The following CLYBL variants were observed in gnomAD, a reference collection of about 807,000 sequenced individuals.
CLYBL encodes the protein citramalyl-CoA lyase, mitochondrial.
Under a neutral mutation model 38.9 loss-of-function variants are expected in CLYBL, and 31 were observed. The ratio of observed to expected loss-of-function variants is 0.80; its 90% confidence interval spans 0.60 to 1.08. CLYBL has a LOEUF of 1.08. Among genes scored for constraint, CLYBL ranks in the 50% least tolerant of loss-of-function variants. CLYBL has a pLI of 0.00. For synonymous variants in CLYBL, 171 were observed against 158.6 expected (o/e 1.08, Z -0.59); for missense variants, 434 against 411.6 (o/e 1.05, Z -0.47).
downstream of CLYBL, among the ~76,000 whole-genome samples, chr13:99,900,723 C>T (rs2052632655): frequency 6.6e-6 from 1 of 152,200 alleles, no homozygotes; most frequent in South Asian, 2.1e-4. Context: ...CGTGCTTCCA[C>T]ATCAGGTTCC....
At chr13:99,755,176 C>T (rs1362299973) in intron 1 of CLYBL, among the ~76,000 whole-genome samples, 2 of 152,184 alleles carry the variant, frequency 1.3e-5, no homozygotes, top group East Asian at 1.9e-4. Context: ...GGATTACAGG[C>T]GTGAGCCACC....
Position 99,715,796 on chromosome 13 carries a change from C to G in CLYBL, c.63-57028C>G, listed in dbSNP as rs1159276322. Among the ~76,000 whole-genome samples the G allele has an allele frequency of 2.0e-5, 3 of 152,252 alleles. No homozygotes were observed. In the East Asian group the frequency reaches 5.8e-4, roughly 29 times the overall value. On this transcript the variant is annotated intron_variant, in intron 1 of 8. Transcript: ENST00000339105. The stretch of plus-strand genomic sequence containing the variant: ...GATGCTTTTGGCTTGTCATGTTTCT[C>G]AGGTCCCGGGGCTGCAGGAAGTTAG...
chr13:99,904,479 A>T (rs984192628), intron 8 of CLYBL, among the ~76,000 whole-genome samples: 1 of 152,180 alleles, frequency 6.6e-6, no homozygotes, highest in African/African-American at 2.4e-5. Context: ...CACATGACCT[A>T]ATTTCTAATT....
At chr13:99,774,454 C>G (rs868391496) in intron 2 of CLYBL, among the ~76,000 whole-genome samples, 1 of 151,976 alleles carries the variant, frequency 6.6e-6, no homozygotes, top group African/African-American at 2.4e-5. Context: ...AACATGAGTT[C>G]GCTTGACCTT....
intron 1 of CLYBL, among the ~76,000 whole-genome samples, chr13:99,722,948 A>G (rs2048416398): frequency 1.3e-5 from 2 of 152,260 alleles, no homozygotes; most frequent in South Asian, 4.1e-4. Context: ...TTGATGAGAT[A>G]TAGCCGCAGG....
At chr13:99,747,745 G>C (rs1020236706) in intron 1 of CLYBL, among the ~76,000 whole-genome samples, 3 of 152,188 alleles carry the variant, frequency 2.0e-5, no homozygotes, top group Non-Finnish European at 4.4e-5. Flanking sequence ...AGTGCTAACA[G>C]ACAGTAGCTT....
In CLYBL at chr13:99,661,119, A is replaced by G. The variant is rs146107271; in HGVS notation, c.62+54362A>G. Among the ~76,000 whole-genome samples, 178 of 152,308 alleles carry G rather than the reference A, an allele frequency of 1.2e-3. 2 individuals carry two copies. In the East Asian group the frequency reaches 0.031, roughly 27 times the overall value. On this transcript the variant is annotated intron_variant, in intron 1 of 8. Coordinates refer to ENST00000339105, the MANE Select transcript of CLYBL (RefSeq NM_206808.5). ...ATTTACACCGAAAAATTCAAACAAA[A>G]TAATTTCTTCTTTAACAATATTGAT...
At chr13:99,800,320 G>A (rs1372884463) in intron 2 of CLYBL, among the ~76,000 whole-genome samples, 1 of 152,160 alleles carries the variant, frequency 6.6e-6, no homozygotes, top group African/African-American at 2.4e-5. Flanking sequence ...GAAATTTAAG[G>A]GAGAGTTCAT....
At chr13:99,864,355 T>G (rs1398558486) in intron 4 of CLYBL, among the ~76,000 whole-genome samples, 5 of 152,220 alleles carry the variant, frequency 3.3e-5, no homozygotes, top group African/African-American at 1.2e-4. Context: ...ATTTTTATTT[T>G]CCCCTCCGGA....
intron 2 of CLYBL, among the ~76,000 whole-genome samples, chr13:99,845,815 A>G (rs1446854080): frequency 6.6e-6 from 1 of 152,166 alleles, no homozygotes; most frequent in African/African-American, 2.4e-5. Context: ...CCTTTTTTAA[A>G]AAATTAAGTG....
intron 7 of CLYBL, among the ~76,000 whole-genome samples, chr13:99,873,092 TGGA>T (rs1384029800): frequency 6.6e-6 from 1 of 152,184 alleles, no homozygotes; most frequent in Non-Finnish European, 1.5e-5. Flanking sequence ...GCCCCATTTG[TGGA>T]GGTTTGTTTC....
At chr13:99,858,540 A>T (rs746714237) in intron 2 of CLYBL, among the ~76,000 whole-genome samples, 10 of 152,244 alleles carry the variant, frequency 6.6e-5, no homozygotes, top group Non-Finnish European at 1.2e-4. Context: ...ATCAGTGAAA[A>T]CTTACCCATT....
At chr13:99,872,709 A>G (rs2139261427) in intron 7 of CLYBL, among the ~76,000 whole-genome samples, 3 of 152,322 alleles carry the variant, frequency 2.0e-5, no homozygotes, top group Admixed American at 2.0e-4. Flanking sequence ...GGGTAGCATC[A>G]AAGGAGGGCA....
chr13:99,884,901 C>A (rs2052308129), intron 7 of CLYBL: 1 of 456,910 alleles, frequency 2.2e-6, no homozygotes, highest in African/African-American at 2.0e-5. Context: ...AACTACAGTC[C>A]CTTCCCTAAG....
At chr13:99,870,847 T>C in intron 6 of CLYBL, 91 bp from the exon 7 acceptor site, 8 of 1,331,024 alleles carry the variant, frequency 6.0e-6, no homozygotes, top group Non-Finnish European at 8.3e-6. Flanking sequence ...ATACAGTCTA[T>C]GAGGCCTTCA....
intron 3 of CLYBL, among the ~76,000 whole-genome samples, chr13:99,861,328 A>G (rs1458391146): frequency 7.9e-5 from 12 of 152,272 alleles, no homozygotes; most frequent in East Asian, 3.9e-4. Flanking sequence ...CTCACTAAGA[A>G]CAGGGAATAT....
chr13:99,686,610 TTAC>T (rs1746791845), intron 1 of CLYBL, among the ~76,000 whole-genome samples: 1 of 152,232 alleles, frequency 6.6e-6, no homozygotes, highest in South Asian at 2.1e-4. Flanking sequence ...TTAGATTAAT[TTAC>T]TAAGCAGTAC....
intron 1 of CLYBL, among the ~76,000 whole-genome samples, chr13:99,712,598 TG>T (rs1315170373): frequency 6.6e-6 from 1 of 152,118 alleles, no homozygotes; most frequent in Non-Finnish European, 1.5e-5. Context: ...CTCCCTGCCT[TG>T]GCCTCCAAAA....
chr13:99,861,947 A>G (rs1471324714), intron 3 of CLYBL, among the ~76,000 whole-genome samples: 2 of 152,176 alleles, frequency 1.3e-5, no homozygotes, highest in African/African-American at 4.8e-5. Context: ...TTATGTTGCC[A>G]TAGCAGCCTT....
Sources: allele counts gnomAD v4.1 joint callset (sites outside exome capture counted in the v4.1 genomes callset), GRCh38; gene constraint gnomAD v4.1.1; transcripts MANE v1.5; gene names NCBI Gene and HGNC (gene_info 2026-07-23, HGNC 2026-07-21).